The following DCDC1 variants were observed in gnomAD, a reference collection of about 807,000 sequenced individuals.
The protein encoded by DCDC1 is doublecortin domain-containing protein 1.
Under a neutral mutation model 178.3 loss-of-function variants are expected in DCDC1, and 200 were observed. That is an observed-to-expected ratio of 1.12 (90% CI 1.00 to 1.26). The LOEUF (loss-of-function observed/expected upper bound fraction) is 1.26, where lower values mean the gene tolerates loss of function less well. DCDC1 is among the 50% of genes most tolerant of loss of function. The pLI is 0.00. For synonymous variants in DCDC1, 690 were observed against 604.8 expected, an observed-to-expected ratio of 1.14 and a Z score of -2.07; for missense variants, 1,983 against 1,749.2, an observed-to-expected ratio of 1.13 and a Z score of -2.38.
chr11:31,315,557 C>T (rs531273816), intron 3 of DCDC1, among the ~76,000 whole-genome samples: 129 of 150,920 alleles, frequency 8.5e-4, no homozygotes, highest in African/African-American at 2.9e-3. Flanking sequence ...AGGATGGTCT[C>T]GATCTCCTGA....
chr11:31,077,386 C>T (rs957951221), intron 18 of DCDC1, among the ~76,000 whole-genome samples: 5 of 152,212 alleles, frequency 3.3e-5, no homozygotes, highest in Admixed American at 1.3e-4. Context: ...CCTTCTACTG[C>T]TGACATCCAT....
At chr11:30,984,159 A>G (rs148095658) in intron 20 of DCDC1, among the ~76,000 whole-genome samples, 1 of 152,318 alleles carries the variant, frequency 6.6e-6, no homozygotes, top group East Asian at 1.9e-4. Flanking sequence ...CATGGTTTTT[A>G]GAGTTTATTT....
At chr11:31,099,722 T>TTG (rs1958382200) in intron 15 of DCDC1, among the ~76,000 whole-genome samples, 2 of 54,666 alleles carry the variant, frequency 3.7e-5, no homozygotes, top group Non-Finnish European at 9.1e-5. Flanking sequence ...TTGTTTGTTG[T>TTG]TTTTTTTTTT....
chr11:31,231,886 T>C (rs564759081), intron 9 of DCDC1, among the ~76,000 whole-genome samples: 1 of 152,356 alleles, frequency 6.6e-6, no homozygotes, highest in Non-Finnish European at 1.5e-5. Context: ...TCTTGGCATG[T>C]CTTGTATGCT....
chr11:30,881,058 A>G, intron 37 of DCDC1, 100 bp downstream of exon 37: 1 of 1,341,180 alleles, frequency 7.5e-7, no homozygotes, highest in East Asian at 2.5e-5. Context: ...GGAGGGGATA[A>G]TTATTAAAAA....
At position 31,242,585 on chromosome 11, in the gene DCDC1, C is replaced by A. The variant is rs117677627; in HGVS notation, c.1055-969G>T. 7.9e-3 allele frequency among the ~76,000 whole-genome samples: 1,203 copies of A among 151,944 alleles called. 5 individuals carry two copies. The highest frequency in any genetic ancestry group is 0.011 in the Non-Finnish European group (741 of 67,886). On this transcript the variant is annotated intron_variant, in intron 8 of 38. Coordinates refer to ENST00000684477, the MANE Select transcript of DCDC1 (RefSeq NM_001387274.1). ...AGGTATTGGCTACCTTATTCTGATACACATTTCTGCTAGAAAAAGGAATTA... is the reference window on the plus strand; with the variant it reads ...AGGTATTGGCTACCTTATTCTGATAAACATTTCTGCTAGAAAAAGGAATTA...
chr11:30,944,326 C>G, intron 21 of DCDC1: 2 of 456,734 alleles, frequency 4.4e-6, no homozygotes, highest in South Asian at 3.1e-5. Flanking sequence ...TCCTTCCTTG[C>G]TCTGTCTGCA....
chr11:31,268,882 G>A (rs746851724), intron 7 of DCDC1, among the ~76,000 whole-genome samples: 2 of 152,108 alleles, frequency 1.3e-5, no homozygotes, highest in Non-Finnish European at 2.9e-5. Context: ...AATATCTGTT[G>A]TCTTTTTGAC....
chr11:31,048,772 G>C (rs1955040964), intron 20 of DCDC1, among the ~76,000 whole-genome samples: 1 of 152,138 alleles, frequency 6.6e-6, no homozygotes, highest in African/African-American at 2.4e-5. Flanking sequence ...CAGGAGAACG[G>C]CGTGAACCCG....
In DCDC1 at chr11:31,091,761, CT is replaced by C. The variant is rs377151445; in HGVS notation, c.2119-251del. On this transcript the variant is annotated intron_variant, in intron 16 of 38. Transcript: ENST00000684477. ...AACAGACCTTGATATCTTCATTTGTCTTTTTTTTTCTGTGCATATTTCACAG... is the reference window on the plus strand; with the variant it reads ...AACAGACCTTGATATCTTCATTTGTCTTTTTTTTCTGTGCATATTTCACAG... Among the ~76,000 whole-genome samples the C allele has an allele frequency of 2.0e-3, 302 of 151,568 alleles. 1 individual carries two copies. The highest frequency in any genetic ancestry group is 7.0e-3 in the African/African-American group (290 of 41,324).
At chr11:31,055,727 T>C (rs1464803080) in intron 20 of DCDC1, among the ~76,000 whole-genome samples, 3 of 152,204 alleles carry the variant, frequency 2.0e-5, no homozygotes, top group African/African-American at 7.2e-5. Context: ...TTGGAGACTA[T>C]TATTCTAAGT....
intron 23 of DCDC1, among the ~76,000 whole-genome samples, chr11:30,923,511 G>A (rs1304361350): frequency 6.7e-6 from 1 of 149,290 alleles, no homozygotes; most frequent in Non-Finnish European, 1.5e-5. Context: ...TCAGTAAGAA[G>A]AAAGAGAACC....
intron 18 of DCDC1, among the ~76,000 whole-genome samples, chr11:31,066,836 A>C (rs2135498855): frequency 6.6e-6 from 1 of 152,298 alleles, no homozygotes; most frequent in Middle Eastern, 3.4e-3. Context: ...CACCACCAAA[A>C]GTGAGCCTTA....
Position 31,096,521 on chromosome 11 carries a change from C to A in DCDC1, c.1984-2337G>T, listed in dbSNP as rs952927775. Among the ~76,000 whole-genome samples the A allele has an allele frequency of 6.6e-5, 10 of 152,278 alleles. 1 individual carries two copies. The highest frequency in any genetic ancestry group is 6.5e-5 in the Admixed American group (1 of 15,296). On this transcript the variant is annotated intron_variant, in intron 15 of 38. Coordinates refer to ENST00000684477, the MANE Select transcript of DCDC1 (RefSeq NM_001387274.1). ...TGTTATCTCCACAACATGGTTTAAT[C>A]TTTTAACAGTTGGCTTATTGGTGAA...
intron 9 of DCDC1, among the ~76,000 whole-genome samples, chr11:31,172,449 C>A (rs1267769131): frequency 6.6e-6 from 1 of 152,000 alleles, no homozygotes; most frequent in East Asian, 1.9e-4. Context: ...TTACTGACAT[C>A]AATATAATGA....
intron 15 of DCDC1, among the ~76,000 whole-genome samples, chr11:31,096,937 G>A (rs995185909): frequency 5.3e-5 from 8 of 152,148 alleles, no homozygotes; most frequent in South Asian, 2.1e-4. Context: ...GTGTGCGCGC[G>A]CCCGTGTACA....
intron 8 of DCDC1, among the ~76,000 whole-genome samples, chr11:31,257,693 AACACAC>A (rs60535376): frequency 2.8e-5 from 4 of 143,870 alleles, no homozygotes; most frequent in Non-Finnish European, 3.0e-5. Context: ...CAGATAGGAA[AACACAC>A]ACACACACAC....
chr11:31,097,504 A>T (rs1353252750), intron 15 of DCDC1, among the ~76,000 whole-genome samples: 3 of 152,204 alleles, frequency 2.0e-5, no homozygotes, highest in Non-Finnish European at 4.4e-5. Flanking sequence ...ATGTTATACA[A>T]TCTCTTTCCT....
chr11:31,159,092 G>A lies in DCDC1; in HGVS notation c.1222-21308C>T, dbSNP rs541430598. On this transcript the variant is annotated intron_variant, in intron 9 of 38. Coordinates refer to ENST00000684477, the MANE Select transcript of DCDC1 (RefSeq NM_001387274.1). ...TTGAGGACTATTAAGAAAATGAAAT[G>A]AGATAACTTTAATTAGACCAGAAAA... 5.3e-5 allele frequency among the ~76,000 whole-genome samples: 8 copies of A among 152,116 alleles called. No individual in the cohort carries two copies. The South Asian group carries it at 1.7e-3, about 32-fold the overall frequency.
Sources: allele counts gnomAD v4.1 joint callset (sites outside exome capture counted in the v4.1 genomes callset), GRCh38; gene constraint gnomAD v4.1.1; transcripts MANE v1.5; gene names NCBI Gene and HGNC (gene_info 2026-07-23, HGNC 2026-07-21).